The following TRPC1 variants were observed in gnomAD, a reference collection of about 807,000 sequenced individuals.
The protein encoded by TRPC1 is short transient receptor potential channel 1.
TRPC1 carries 42 observed loss-of-function variants against 88.2 expected under a neutral mutation model. The ratio of observed to expected loss-of-function variants is 0.48; its 90% confidence interval spans 0.37 to 0.62. TRPC1 has a LOEUF of 0.62. Among genes scored for constraint, TRPC1 ranks in the 20% least tolerant of loss-of-function variants. The pLI is 0.00. For synonymous variants in TRPC1, 288 were observed against 331.8 expected (o/e 0.87, Z 1.43); for missense variants, 699 against 957.3 (o/e 0.73, Z 3.56).
At chr3:142,748,591 T>A (rs1473655371) in intron 4 of TRPC1, 131 bp downstream of exon 4, 1 of 864,408 alleles carries the variant, frequency 1.2e-6, no homozygotes, top group African/African-American at 1.7e-5. Context: ...GCCAAACTTG[T>A]AGCTCCTTTG....
At chr3:142,773,243 C>T (rs1179773443) in intron 4 of TRPC1, among the ~76,000 whole-genome samples, 2 of 151,762 alleles carry the variant, frequency 1.3e-5, no homozygotes, top group Non-Finnish European at 2.9e-5. Flanking sequence ...GATGGAGTCT[C>T]GCTGTGTTGC....
chr3:142,773,522 C>T (rs190222632), intron 4 of TRPC1, among the ~76,000 whole-genome samples: 13 of 149,792 alleles, frequency 8.7e-5, no homozygotes, highest in Admixed American at 4.0e-4. Flanking sequence ...GAATACAGGC[C>T]GGATGCAGTG....
At position 142,724,642 on chromosome 3, in the gene TRPC1, C is replaced by T. The variant is rs1463962763; in HGVS notation, c.83C>T (p.Pro28Leu). ...CCTTCCTCTCCATCCTCTTCCTCGCCGAACGAGGTGATGGCGCTGAAGGAT... is the reference window on the plus strand; with the variant it reads ...CCTTCCTCTCCATCCTCTTCCTCGCTGAACGAGGTGATGGCGCTGAAGGAT... ...SLPSSPSSSS[P>L]NEVMALKDVR... is the part of the protein sequence containing the mutation. Residue 28 changes from proline to leucine, a missense_variant, in exon 1 of 13, where the codon CCG (proline) becomes CTG (leucine). By Grantham distance (98) the Pro-to-Leu change is moderately conservative. Around this residue, in one of 4 missense-constraint regions of TRPC1, gnomAD observed 157 missense variants for 127.0 expected, o/e 1.24. Transcript: ENST00000476941. This position sits in a 1 kb window ranked among gnomAD's most constrained non-coding sequence, Gnocchi z 5.6. 6.2e-7 allele frequency: 1 copy of T among 1,613,042 alleles called. No homozygotes were observed. The highest frequency in any genetic ancestry group is 8.5e-7 in the Non-Finnish European group (1 of 1,179,564).
In TRPC1 at chr3:142,788,376, A is replaced by C. The variant is rs193026044; in HGVS notation, c.1298-2643A>C. Among the ~76,000 whole-genome samples the C allele has an allele frequency of 1.1e-3, 168 of 152,280 alleles. 1 individual carries two copies. The highest frequency in any genetic ancestry group is 1.7e-3 in the Non-Finnish European group (117 of 68,022). On this transcript the variant is annotated intron_variant, in intron 7 of 12. Transcript: ENST00000476941. Reference sequence around the variant, plus strand: ...ATTTATAATGTAAGGCCAGTAGGACATCGAAATACATAGTATATGAGAGGT... The same window carrying C: ...ATTTATAATGTAAGGCCAGTAGGACCTCGAAATACATAGTATATGAGAGGT...
At chr3:142,740,088 T>C (rs1161256042) in intron 2 of TRPC1, among the ~76,000 whole-genome samples, 1 of 152,232 alleles carries the variant, frequency 6.6e-6, no homozygotes, top group African/African-American at 2.4e-5. Flanking sequence ...AACCAATGCC[T>C]GATGATCTGA....
rs1172515669 is a variant in TRPC1, at chr3:142,784,689, G to T, written c.961-15G>T. 4 of 1,596,398 alleles carry T rather than the reference G, an allele frequency of 2.5e-6. No individual in the cohort carries two copies. The highest frequency in any genetic ancestry group is 3.4e-6 in the Non-Finnish European group (4 of 1,170,730). On this transcript the variant is annotated splice_polypyrimidine_tract_variant and intron_variant, in intron 6 of 12. Transcript: ENST00000476941. The stretch of plus-strand genomic sequence containing the variant: ...TACTTTTTTTCTTTTTAATGTGTGT[G>T]TATGTCCTTTTCAGTTTGTCTCCCA...
intron 4 of TRPC1, among the ~76,000 whole-genome samples, chr3:142,762,097 G>A (rs1010655177): frequency 1.4e-4 from 21 of 152,162 alleles, no homozygotes; most frequent in Admixed American, 3.9e-4. Context: ...GTACAGTGGC[G>A]TGATCACAGC....
At chr3:142,739,125 C>T (rs1028966794) in intron 2 of TRPC1, among the ~76,000 whole-genome samples, 4 of 152,064 alleles carry the variant, frequency 2.6e-5, no homozygotes, top group African/African-American at 7.2e-5. Context: ...TAGGCATGCA[C>T]CATCACGCCC....
chr3:142,756,362 T>A (rs1195637477), intron 4 of TRPC1, among the ~76,000 whole-genome samples: 2 of 112,330 alleles, frequency 1.8e-5, no homozygotes, highest in African/African-American at 7.9e-5. Flanking sequence ...ATGATGGTTC[T>A]TTTTTTTTTT....
chr3:142,804,702 G>A (rs756223241), intron 12 of TRPC1, 72 bp downstream of exon 12: 141 of 1,440,206 alleles, frequency 9.8e-5, no homozygotes, highest in Middle Eastern at 5.8e-4. Context: ...TTCTTAAAGC[G>A]TAAGTATGCA....
intron 1 of TRPC1, among the ~76,000 whole-genome samples, chr3:142,734,723 A>C (rs1263378876): frequency 6.6e-6 from 1 of 152,138 alleles, no homozygotes; most frequent in Non-Finnish European, 1.5e-5. Flanking sequence ...GGATTGCTTG[A>C]GGCCAGGAAT....
chr3:142,749,034 G>C (rs1320256739), intron 4 of TRPC1, among the ~76,000 whole-genome samples: 2 of 152,158 alleles, frequency 1.3e-5, no homozygotes, highest in African/African-American at 2.4e-5. Context: ...TGCTGGACTA[G>C]ATTTGAGAAT....
At chr3:142,781,192 A>G (rs1935947599) in intron 6 of TRPC1, among the ~76,000 whole-genome samples, 163 bp downstream of exon 6, 1 of 152,212 alleles carries the variant, frequency 6.6e-6, no homozygotes, top group East Asian at 1.9e-4. Context: ...CTTTTGTTTT[A>G]ATAATTAATT....
chr3:142,783,979 C>T (rs1428241982), intron 6 of TRPC1, among the ~76,000 whole-genome samples: 1 of 152,108 alleles, frequency 6.6e-6, no homozygotes, highest in Admixed American at 6.5e-5. Flanking sequence ...TGTACCTGAA[C>T]TAAAATTTTT....
At chr3:142,786,823 A>G (rs934671574) in intron 7 of TRPC1, among the ~76,000 whole-genome samples, 4 of 152,132 alleles carry the variant, frequency 2.6e-5, no homozygotes, top group Non-Finnish European at 4.4e-5. Flanking sequence ...TCTATAACCT[A>G]TTGTTTAGTA....
chr3:142,802,268 A>T lies in TRPC1; in HGVS notation c.1681A>T (p.Lys561Ter). The part of the protein sequence containing the change: ...FTIGLTQLYD[K>*]GYTSKEQKDC... The stretch of plus-strand genomic sequence containing the variant: ...AATTGGACTGACACAACTGTATGAT[A>T]AAGGATATACTTCAAAGGAGCAGAA... Residue 561 changes from lysine (K) to a stop codon, truncating the protein, a stop_gained, in exon 10 of 13, where the codon AAA becomes TAA. Coordinates refer to ENST00000476941, the MANE Select transcript of TRPC1 (RefSeq NM_001251845.2). LOFTEE classifies it high-confidence loss of function. The T allele has an allele frequency of 6.2e-7, 1 of 1,600,838 alleles. No homozygotes were observed. The highest frequency in any genetic ancestry group is 8.5e-7 in the Non-Finnish European group (1 of 1,174,630).
intron 4 of TRPC1, among the ~76,000 whole-genome samples, chr3:142,755,252 A>G (rs1408525383): frequency 2.6e-5 from 4 of 151,914 alleles, no homozygotes; most frequent in East Asian, 3.9e-4. Flanking sequence ...GTGAAAACCC[A>G]TCTCTACTAC....
At chr3:142,727,767 A>G (rs1028189089) in intron 1 of TRPC1, among the ~76,000 whole-genome samples, 7 of 152,218 alleles carry the variant, frequency 4.6e-5, no homozygotes, top group Admixed American at 4.6e-4. Flanking sequence ...CTTAATTGAA[A>G]CAAGAGCTGA....
At chr3:142,741,394 A>G (rs1268713493) in intron 2 of TRPC1, among the ~76,000 whole-genome samples, 1 of 152,076 alleles carries the variant, frequency 6.6e-6, no homozygotes, top group Non-Finnish European at 1.5e-5. Context: ...TAAGTAATGT[A>G]TCTGAATATA....
Sources: gnomAD v4.1 joint callset for allele counts (sites outside exome capture counted in the v4.1 genomes callset) on GRCh38, gnomAD v4.1.1 for gene constraint, gnomAD v4.1.1 regional missense constraint, Gnocchi (gnomAD v3.1) non-coding constraint, MANE v1.5 for transcripts, NCBI Gene and HGNC (gene_info 2026-07-23, HGNC 2026-07-21) for gene names.